Variants in RAB38 observed in about 807,000 individuals in gnomAD.
The protein encoded by RAB38 is RAB38, member RAS oncogene family.
A neutral mutation model predicts 18.4 loss-of-function variants in RAB38; 15 were observed. The observed-to-expected ratio is 0.82, with a 90% confidence interval of 0.55 to 1.26. RAB38 has a LOEUF of 1.26. Ranked by LOEUF, RAB38 falls within the 50% of genes most tolerant of loss-of-function variation. RAB38 has a pLI of 0.00. For synonymous variants in RAB38, 101 were observed against 104.4 expected, an observed-to-expected ratio of 0.97 and a Z score of 0.20; for missense variants, 294 against 267.4, an observed-to-expected ratio of 1.10 and a Z score of -0.69.
chr11:87,927,312 A>G, the RAB38 span, among the ~76,000 whole-genome samples: 7 of 152,196 alleles, frequency 4.6e-5, 1 homozygote, highest in South Asian at 1.5e-3. Context: ...CTTGATAAAT[A>G]AAAGAAAAAT....
chr11:88,160,931 AAT>A (rs1943182576), intron 1 of RAB38, among the ~76,000 whole-genome samples: 1 of 152,112 alleles, frequency 6.6e-6, no homozygotes, highest in African/African-American at 2.4e-5. Context: ...AACATCATGC[AAT>A]ATACCTACGT....
chr11:87,813,577 T>G, the RAB38 span, among the ~76,000 whole-genome samples: 3,923 of 151,940 alleles, frequency 0.026, 98 homozygotes, highest in African/African-American at 0.065. Context: ...AGTATTCTGG[T>G]GAATGATTTT....
the RAB38 span, among the ~76,000 whole-genome samples, chr11:87,862,329 A>G: frequency 6.6e-6 from 1 of 152,070 alleles, no homozygotes; most frequent in Non-Finnish European, 1.5e-5. Context: ...CTATGCAGTC[A>G]TAAAAAGGAA....
rs527946486 is a variant in RAB38, at chr11:88,142,761, A to G, written c.483+6914T>C. Reference sequence around the variant, plus strand: ...TTGCATTATAATCCCATACAGCGTGACCAACATGGACAAAAGCAGAAAGAT... The same window carrying G: ...TTGCATTATAATCCCATACAGCGTGGCCAACATGGACAAAAGCAGAAAGAT... On this transcript the variant is annotated intron_variant, in intron 2 of 2. Coordinates refer to ENST00000243662, the MANE Select transcript of RAB38 (RefSeq NM_022337.3). Among the ~76,000 whole-genome samples, 9 of 152,374 alleles carry G rather than the reference A, an allele frequency of 5.9e-5. No individual in the cohort carries two copies. The South Asian group carries it at 8.3e-4, about 14-fold the overall frequency.
At position 88,113,850 on chromosome 11, in the gene RAB38, C is replaced by T. The variant is rs3740925; in HGVS notation, c.*138G>A. ...AAGAACATTTGCTATTTCTCTCTCA[C>T]TGAAAAAACAGAGGCATAGATCTTT... On this transcript the variant is annotated 3_prime_UTR_variant, in exon 3 of 3. Transcript: ENST00000243662. 879,517 of 968,060 alleles carry T rather than the reference C, an allele frequency of 0.91. 400,088 individuals carry two copies. The highest frequency in any genetic ancestry group is 0.99 in the African/African-American group (60,461 of 61,370). 60.0% of individuals were successfully genotyped at this position (968,060 alleles called of 1,614,324 possible). A position where few individuals can be genotyped will look rare whatever the true frequency, so the allele number is the denominator to read the frequency against.
the RAB38 span, among the ~76,000 whole-genome samples, chr11:87,890,496 T>A: frequency 6.6e-6 from 1 of 151,900 alleles, no homozygotes; most frequent in Non-Finnish European, 1.5e-5. Context: ...TCCTTGTTAC[T>A]TTCATGTTTC....
At chr11:88,029,676 G>C in the RAB38 span, among the ~76,000 whole-genome samples, 10,701 of 151,532 alleles carry the variant, frequency 0.071, 609 homozygotes, top group African/African-American at 0.14. Flanking sequence ...ACAAGAAGAG[G>C]TAACTATCCT....
chr11:88,057,817 G>C, the RAB38 span, among the ~76,000 whole-genome samples: 1 of 151,902 alleles, frequency 6.6e-6, no homozygotes, highest in Non-Finnish European at 1.5e-5. Flanking sequence ...CATTGCTTAG[G>C]ATCTTTTATC....
At chr11:87,870,702 G>T in the RAB38 span, among the ~76,000 whole-genome samples, 159 of 151,704 alleles carry the variant, frequency 1.0e-3, no homozygotes, top group African/African-American at 3.6e-3. Context: ...GAACACAATT[G>T]CTTCTGTCCT....
the RAB38 span, among the ~76,000 whole-genome samples, chr11:87,885,609 A>T: frequency 6.6e-6 from 1 of 151,942 alleles, no homozygotes; most frequent in Non-Finnish European, 1.5e-5. Flanking sequence ...TACTGAAGTT[A>T]CTCTTCAAAA....
the RAB38 span, among the ~76,000 whole-genome samples, chr11:88,032,557 G>A: frequency 6.6e-6 from 1 of 152,196 alleles, no homozygotes; most frequent in Non-Finnish European, 1.5e-5. Context: ...CCATCAAAAA[G>A]TGGGCGAAGG....
At chr11:87,836,093 C>A in the RAB38 span, among the ~76,000 whole-genome samples, 1 of 152,074 alleles carries the variant, frequency 6.6e-6, no homozygotes, top group African/African-American at 2.4e-5. Flanking sequence ...GCAATTTCCC[C>A]TATGTAAGGA....
chr11:88,129,712 T>C (rs1942744238), intron 2 of RAB38, among the ~76,000 whole-genome samples: 1 of 152,174 alleles, frequency 6.6e-6, no homozygotes, highest in African/African-American at 2.4e-5. Flanking sequence ...GACTGACATT[T>C]TAAGGACAAA....
the RAB38 span, among the ~76,000 whole-genome samples, chr11:88,069,553 G>A: frequency 6.6e-6 from 1 of 152,256 alleles, no homozygotes; most frequent in African/African-American, 2.4e-5. Flanking sequence ...CTAGCCGGAG[G>A]ATCGTATATG....
chr11:87,972,871 G>A, the RAB38 span, among the ~76,000 whole-genome samples: 1 of 152,044 alleles, frequency 6.6e-6, no homozygotes, highest in Non-Finnish European at 1.5e-5. Flanking sequence ...GGCCTGGTAA[G>A]CAGTGATTGG....
the RAB38 span, among the ~76,000 whole-genome samples, chr11:87,893,162 G>C: frequency 1.7e-4 from 26 of 151,018 alleles, no homozygotes; most frequent in Non-Finnish European, 2.8e-4. Flanking sequence ...TCTTTCATTG[G>C]TACTTTTCTC....
At chr11:88,118,051 T>A (rs1442200438) in intron 2 of RAB38, among the ~76,000 whole-genome samples, 1 of 152,166 alleles carries the variant, frequency 6.6e-6, no homozygotes, top group African/African-American at 2.4e-5. Flanking sequence ...GGGAGAAGAA[T>A]AAATACTAAT....
chr11:87,941,218 T>TAA, the RAB38 span, among the ~76,000 whole-genome samples: 1 of 104,080 alleles, frequency 9.6e-6, no homozygotes, highest in Admixed American at 1.0e-4. Flanking sequence ...ATATGAGATA[T>TAA]ATATATATAT....
chr11:87,974,750 G>A, the RAB38 span, among the ~76,000 whole-genome samples: 2 of 149,306 alleles, frequency 1.3e-5, no homozygotes, highest in Non-Finnish European at 1.5e-5. Context: ...ATATACAGAG[G>A]GATTATTATA....
Sources: gnomAD v4.1 joint callset for allele counts (sites outside exome capture counted in the v4.1 genomes callset) on GRCh38, gnomAD v4.1.1 for gene constraint, MANE v1.5 for transcripts, NCBI Gene and HGNC (gene_info 2026-07-23, HGNC 2026-07-21) for gene names.